CNOT11: variants seen among roughly 807,000 people sequenced by gnomAD.
The protein encoded by CNOT11 is CCR4-NOT transcription complex subunit 11.
A neutral mutation model predicts 44.6 loss-of-function variants in CNOT11; 18 were observed. The ratio of observed to expected loss-of-function variants is 0.40; its 90% CI spans 0.28 to 0.60. The LOEUF is 0.60. Ranked by LOEUF, CNOT11 falls within the 20% of genes least tolerant of loss-of-function variation. The probability of loss-of-function intolerance (pLI) is 0.38; values close to 1 mark genes in which losing one functional copy is unlikely to be tolerated. For missense variants in CNOT11, 513 were observed against 677.0 expected, an observed-to-expected ratio of 0.76 and a Z score of 2.69; for synonymous variants, 291 against 270.9, an observed-to-expected ratio of 1.07 and a Z score of -0.73.
Position 101,264,921 on chromosome 2 carries a change from C to T in CNOT11, c.909C>T (p.Pro303=). ...AGGATGAACTTGCTTGGCTAAACCCCACGGAGCCTGACCACGCGATCCAGT... is the reference window on the plus strand; with the variant it reads ...AGGATGAACTTGCTTGGCTAAACCCTACGGAGCCTGACCACGCGATCCAGT... The part of the protein sequence containing the change: ...ICEDELAWLN[P]TEPDHAIQWD... Residue 303 remains proline, a synonymous_variant, in exon 4 of 7, where the codon CCC becomes CCT. Transcript: ENST00000289382. 1 of 1,614,170 alleles carries T rather than the reference C, an allele frequency of 6.2e-7. No individual in the cohort carries two copies. The highest frequency in any genetic ancestry group is 1.1e-5 in the South Asian group (1 of 91,082).
intron 5 of CNOT11, among the ~76,000 whole-genome samples, chr2:101,267,988 C>T (rs1682027616): frequency 6.6e-6 from 1 of 152,150 alleles, no homozygotes; most frequent in African/African-American, 2.4e-5. Context: ...TGAAATTGAA[C>T]TACAGAATGT....
rs528300665 is a variant in CNOT11 at position 101,253,267 on chromosome 2, C to T, written c.303C>T (p.His101=). The T allele has an allele frequency of 1.1e-5, 18 of 1,612,006 alleles. No homozygotes were observed. The Admixed American group carries it at 2.5e-4, about 22-fold the overall frequency. The change falls in exon 1 of 7, where the codon CAC becomes CAT. Residue 101 remains histidine, a synonymous_variant. Transcript: ENST00000289382. This position sits in a 1 kb window ranked among gnomAD's most constrained non-coding sequence, Gnocchi z 4.3. ...AFHHYFSKAD[H]FRLGSVLVML... ...ACCACTACTTCAGCAAGGCCGACCA[C>T]TTCCGCCTGGGCTCGGTGCTCGTCA...
chr2:101,257,815 C>G lies in CNOT11; in HGVS notation c.539C>G (p.Pro180Arg). The change falls in exon 2 of 7, where the codon CCA becomes CGA. Residue 180 changes from proline to arginine, a missense_variant. Physicochemically the swap from Pro to Arg is moderately radical, Grantham distance 103. Transcript: ENST00000289382. ...GGATTTTTACCTCCTATAACTCCAC[C>G]AGAAAAGTTTTTTCTTTCCCAGCTG... ...LSGFLPPITPPEKFFLSQLML... is the reference protein window; with the variant it reads ...LSGFLPPITPREKFFLSQLML... The G allele has an allele frequency of 6.2e-7, 1 of 1,613,536 alleles. No homozygotes were observed. The highest frequency in any genetic ancestry group is 8.5e-7 in the Non-Finnish European group (1 of 1,179,758).
At chr2:101,266,951 C>G in intron 5 of CNOT11, 72 bp downstream of exon 5, 1 of 1,130,904 alleles carries the variant, frequency 8.8e-7, no homozygotes, top group Non-Finnish European at 1.3e-6. Flanking sequence ...AAAATTGTAA[C>G]AGATTTTTGT....
At chr2:101,259,152 A>G (rs1042785489) in intron 2 of CNOT11, among the ~76,000 whole-genome samples, 1 of 152,022 alleles carries the variant, frequency 6.6e-6, no homozygotes, top group Non-Finnish European at 1.5e-5. Context: ...AATAGCCAAA[A>G]CCCAACGTTC....
At chr2:101,265,256 A>G (rs770882242) in intron 4 of CNOT11, among the ~76,000 whole-genome samples, 18 of 152,020 alleles carry the variant, frequency 1.2e-4, no homozygotes, top group Admixed American at 3.3e-4. Flanking sequence ...ATGCACCACC[A>G]TGCCCGGCTA....
At chr2:101,265,109 ATT>A in intron 4 of CNOT11, 62 bp downstream of exon 4, 1 of 1,279,872 alleles carries the variant, frequency 7.8e-7, no homozygotes, top group Non-Finnish European at 1.0e-6. Flanking sequence ...AATTAAAAAA[ATT>A]TGTTTTTGAG....
chr2:101,267,009 C>G (rs908206262), intron 5 of CNOT11, 130 bp downstream of exon 5: 7 of 652,144 alleles, frequency 1.1e-5, no homozygotes, highest in Non-Finnish European at 1.8e-5. Context: ...TAATGTAAGC[C>G]TTAGCATTCA....
At chr2:101,266,981 GATTAACT>G in intron 5 of CNOT11, 102 bp downstream of exon 5, 1 of 793,880 alleles carries the variant, frequency 1.3e-6, no homozygotes, top group Non-Finnish European at 2.1e-6. Flanking sequence ...ATTGGCGTAA[GATTAACT>G]ATTAAAGAAA....
intron 2 of CNOT11, among the ~76,000 whole-genome samples, chr2:101,261,817 C>CATTT (rs1363386492): frequency 6.7e-6 from 1 of 149,056 alleles, no homozygotes; most frequent in Non-Finnish European, 1.5e-5. Context: ...GTTACTAGTC[C>CATTT]ATTTTTTCCT....
At chr2:101,255,434 G>T (rs1313561360) in intron 1 of CNOT11, among the ~76,000 whole-genome samples, 2 of 151,954 alleles carry the variant, frequency 1.3e-5, no homozygotes, top group South Asian at 2.1e-4. Flanking sequence ...GGCGGAGCTT[G>T]CAGTGAGCCA....
intron 5 of CNOT11, 68 bp downstream of exon 5, chr2:101,266,947 G>A (rs1392304089): frequency 8.4e-7 from 1 of 1,184,294 alleles, no homozygotes; most frequent in Admixed American, 1.8e-5. Flanking sequence ...AAGAAAAATT[G>A]TAACAGATTT....
chr2:101,254,621 C>T (rs771003549), intron 1 of CNOT11, among the ~76,000 whole-genome samples: 29 of 152,138 alleles, frequency 1.9e-4, no homozygotes, highest in Admixed American at 6.5e-4. Context: ...TGGCTCACGC[C>T]TATAATCCCA....
At chr2:101,257,047 T>A in intron 1 of CNOT11, among the ~76,000 whole-genome samples, 1 of 146,998 alleles carries the variant, frequency 6.8e-6, no homozygotes, top group Admixed American at 6.8e-5. Flanking sequence ...AGATTCCATC[T>A]CAAAAAAAAA....
rs1004351406 is a variant in CNOT11, at chr2:101,264,729, C to T, written c.833-116C>T. On this transcript the variant is annotated intron_variant, in intron 3 of 6. Coordinates refer to ENST00000289382, the MANE Select transcript of CNOT11 (RefSeq NM_017546.5). ...CTTCTGATTTTGAAGTATGAGAGTTCTAGTCACATCATCCTTATTAAGAGA... is the reference window on the plus strand; with the variant it reads ...CTTCTGATTTTGAAGTATGAGAGTTTTAGTCACATCATCCTTATTAAGAGA... The T allele has an allele frequency of 2.2e-5, 17 of 784,428 alleles. No homozygotes were observed. The Admixed American group carries it at 3.4e-4, about 16-fold the overall frequency. The allele number at this position is 784,428 out of a possible 1,614,324, so 48.6% of individuals were successfully genotyped here. A position where few individuals can be genotyped will look rare whatever the true frequency, so the allele number is the denominator to read the frequency against.
At position 101,265,062 on chromosome 2, in the gene CNOT11, T is replaced by C. The variant is rs1681950822; in HGVS notation, c.1035+15T>C. Reference sequence around the variant, plus strand: ...AACAAACACAGGTGTGTATTGATTGTAAGCATTTTCTTATCTTTTTTTTTA... The same window carrying C: ...AACAAACACAGGTGTGTATTGATTGCAAGCATTTTCTTATCTTTTTTTTTA... On this transcript the variant is annotated intron_variant, in intron 4 of 6. Coordinates refer to ENST00000289382, the MANE Select transcript of CNOT11 (RefSeq NM_017546.5). 6.8e-7 allele frequency: 1 copy of C among 1,473,046 alleles called. No homozygotes were observed. The highest frequency in any genetic ancestry group is 1.4e-5 in the South Asian group (1 of 69,676). 91.2% of individuals were successfully genotyped at this position (1,473,046 alleles called of 1,614,324 possible).
intron 5 of CNOT11, among the ~76,000 whole-genome samples, chr2:101,267,121 TTTTA>T (rs1018663810): frequency 1.8e-4 from 28 of 152,284 alleles, no homozygotes; most frequent in South Asian, 1.5e-3. Context: ...CTGAAATTTA[TTTTA>T]TTTATTTATT....
chr2:101,257,254 A>G (rs1270138941), intron 1 of CNOT11, among the ~76,000 whole-genome samples: 1 of 149,800 alleles, frequency 6.7e-6, no homozygotes, highest in African/African-American at 2.5e-5. Context: ...TTAGCTGGGC[A>G]TGGTGGCAGG....
At chr2:101,259,828 A>G (rs969227717) in intron 2 of CNOT11, among the ~76,000 whole-genome samples, 3 of 152,206 alleles carry the variant, frequency 2.0e-5, no homozygotes, top group African/African-American at 7.2e-5. Context: ...ACTTGAGCCC[A>G]GGAGTTTAAA....
Sources: allele counts gnomAD v4.1 joint callset (sites outside exome capture counted in the v4.1 genomes callset), GRCh38; gene constraint gnomAD v4.1.1; non-coding constraint Gnocchi (gnomAD v3.1); transcripts MANE v1.5; gene names NCBI Gene and HGNC (gene_info 2026-07-23, HGNC 2026-07-21).